Variants in KLHL18 observed in about 807,000 individuals in gnomAD.
KLHL18 encodes kelch-like protein 18.
In KLHL18, 38 loss-of-function variants were observed where a neutral mutation model predicts 58.5. That is an observed-to-expected ratio of 0.65 (90% CI 0.50 to 0.85). The LOEUF is 0.85. Ranked by LOEUF, KLHL18 falls within the 40% of genes least tolerant of loss-of-function variation. The pLI is 0.00. For missense variants in KLHL18, 624 were observed against 778.4 expected, an observed-to-expected ratio of 0.80 and a Z score of 2.36; for synonymous variants, 303 against 301.9, an observed-to-expected ratio of 1.00 and a Z score of -0.04.
At chr3:47,323,499 G>A (rs1488534167) in intron 3 of KLHL18, among the ~76,000 whole-genome samples, 2 of 152,144 alleles carry the variant, frequency 1.3e-5, no homozygotes, top group African/African-American at 4.8e-5. Flanking sequence ...GCACTTTTAT[G>A]GTTGGGACCA....
chr3:47,333,909 G>A (rs115972643), intron 5 of KLHL18, among the ~76,000 whole-genome samples: 2,702 of 152,300 alleles, frequency 0.018, 35 homozygotes, highest in Middle Eastern at 0.034. Flanking sequence ...AAGTAGAACA[G>A]CAGAGAAAAA....
Position 47,334,952 on chromosome 3 carries a change from A to G in KLHL18, c.898+133A>G. 1.1e-6 allele frequency: 1 copy of G among 874,076 alleles called. No individual in the cohort carries two copies. The highest frequency in any genetic ancestry group is 1.7e-6 in the Non-Finnish European group (1 of 578,394). 54.1% of individuals were successfully genotyped at this position (874,076 alleles called of 1,614,324 possible). ...ACCCTTGCCCCTCTTGATTTTATAC[A>G]ATTGCTCTACAGTTAGAGCATGTCA... On this transcript the variant is annotated intron_variant, in intron 6 of 9. Transcript: ENST00000232766. This position sits in a 1 kb window ranked among gnomAD's most constrained non-coding sequence, Gnocchi z 4.7.
rs79506136 is a variant in KLHL18, at chr3:47,304,092, A to G, written c.130-15561A>G. Reference sequence around the variant, plus strand: ...ATCCCCTATCTCTACATACACACATACAGTGGCTAACAATGTTGAACATCT... The same window carrying G: ...ATCCCCTATCTCTACATACACACATGCAGTGGCTAACAATGTTGAACATCT... On this transcript the variant is annotated intron_variant, in intron 1 of 9. Coordinates refer to ENST00000232766, the MANE Select transcript of KLHL18 (RefSeq NM_025010.5). 1.7e-3 allele frequency among the ~76,000 whole-genome samples: 252 copies of G among 152,306 alleles called. 2 individuals carry two copies. Among genetic ancestry groups the G allele is most frequent in the African/African-American group, 5.8e-3 (241 of 41,558 alleles).
At chr3:47,322,780 GT>G in intron 3 of KLHL18, 72 bp downstream of exon 3, 1 of 1,437,928 alleles carries the variant, frequency 7.0e-7, no homozygotes, top group Middle Eastern at 1.9e-4. Context: ...AGTTTGCTGA[GT>G]TCTTGGGACC....
At chr3:47,303,477 G>T (rs1270543612) in intron 1 of KLHL18, among the ~76,000 whole-genome samples, 3 of 152,168 alleles carry the variant, frequency 2.0e-5, no homozygotes, top group Admixed American at 2.0e-4. Context: ...GGTACTTCCT[G>T]ACTTCAGTGA....
intron 1 of KLHL18, among the ~76,000 whole-genome samples, chr3:47,313,212 T>A (rs1459090632): frequency 1.5e-5 from 2 of 130,760 alleles, no homozygotes; most frequent in African/African-American, 5.9e-5. Context: ...CCCGGCCTAA[T>A]TTTTTTTTTT....
At chr3:47,341,724 G>T (rs536488477) in intron 8 of KLHL18, among the ~76,000 whole-genome samples, 1 of 152,192 alleles carries the variant, frequency 6.6e-6, no homozygotes, top group South Asian at 2.1e-4. Flanking sequence ...CATGTGGTGT[G>T]GGGTGAAGCT....
chr3:47,328,859 A>G (rs1193852368), intron 3 of KLHL18, among the ~76,000 whole-genome samples: 1 of 152,032 alleles, frequency 6.6e-6, no homozygotes, highest in Non-Finnish European at 1.5e-5. Flanking sequence ...GTCTCTTTCT[A>G]TCTAAAACAA....
intron 1 of KLHL18, among the ~76,000 whole-genome samples, chr3:47,292,104 C>T (rs375980463): frequency 7.2e-5 from 11 of 152,152 alleles, no homozygotes; most frequent in African/African-American, 2.4e-4. Context: ...AGAGCTTGGG[C>T]TTTTGGCAGG....
At chr3:47,312,512 A>G (rs1377901344) in intron 1 of KLHL18, among the ~76,000 whole-genome samples, 3 of 152,174 alleles carry the variant, frequency 2.0e-5, no homozygotes, top group African/African-American at 7.2e-5. Context: ...GCACCAGTTC[A>G]CATGTCTTTG....
chr3:47,300,287 T>A (rs1029450348), intron 1 of KLHL18, among the ~76,000 whole-genome samples: 1 of 133,136 alleles, frequency 7.5e-6, no homozygotes, highest in South Asian at 2.4e-4. Flanking sequence ...CACCGGCATT[T>A]TATATATATA....
chr3:47,315,716 A>G (rs1703405067), intron 1 of KLHL18, among the ~76,000 whole-genome samples: 1 of 152,240 alleles, frequency 6.6e-6, no homozygotes, highest in Non-Finnish European at 1.5e-5. Flanking sequence ...ACATTTAAAG[A>G]AAACCTCTAA....
chr3:47,291,454 C>A (rs1702789675), intron 1 of KLHL18, among the ~76,000 whole-genome samples: 1 of 152,190 alleles, frequency 6.6e-6, no homozygotes, highest in Admixed American at 6.5e-5. Context: ...TAAGAGTTAA[C>A]AAGCATTTTC....
intron 7 of KLHL18, 64 bp from the exon 8 acceptor site, chr3:47,340,508 G>C: frequency 6.2e-7 from 1 of 1,610,364 alleles, no homozygotes; most frequent in Non-Finnish European, 8.5e-7. Context: ...GTTTCTCAGT[G>C]GGCAAGAGAG....
In KLHL18 at chr3:47,329,145, G is replaced by GA. The variant is rs1311389177; in HGVS notation, c.402-797dup. Among the ~76,000 whole-genome samples the GA allele has an allele frequency of 4.6e-3, 58 of 12,652 alleles. 1 individual carries two copies. In the East Asian group the frequency reaches 0.39, roughly 86 times the overall value. The allele number at this position is 12,652 out of a possible 152,430, so 8.3% of individuals were successfully genotyped here. On this transcript the variant is annotated intron_variant, in intron 3 of 9. Transcript: ENST00000232766. ...CCCTGTCTCAAAAAAGAAAAAAAAG[G>GA]AAAAAAAAAGACAAGTATAAGAGTT...
intron 1 of KLHL18, among the ~76,000 whole-genome samples, chr3:47,301,276 T>C (rs1703019944): frequency 6.6e-6 from 1 of 152,146 alleles, no homozygotes; most frequent in Admixed American, 6.5e-5. Context: ...TTTGGTCTCA[T>C]GTCTGAGAAC....
At chr3:47,336,108 A>G (rs1362066825) in intron 6 of KLHL18, among the ~76,000 whole-genome samples, 1 of 152,204 alleles carries the variant, frequency 6.6e-6, no homozygotes, top group Non-Finnish European at 1.5e-5. Context: ...CATTTAATCC[A>G]TAAAGATTAT....
chr3:47,307,228 C>T (rs1300724440), intron 1 of KLHL18, among the ~76,000 whole-genome samples: 10 of 152,104 alleles, frequency 6.6e-5, no homozygotes, highest in Non-Finnish European at 1.5e-4. Flanking sequence ...CATGCCACCA[C>T]ACGTGGCTAA....
Position 47,298,353 on chromosome 3 carries a change from T to TAAAA in KLHL18, c.129+15275_129+15278dup, listed in dbSNP as rs36006254. Among the ~76,000 whole-genome samples the TAAAA allele has an allele frequency of 2.5e-4, 30 of 118,506 alleles. 1 individual carries two copies. Among genetic ancestry groups the TAAAA allele is most frequent in the East Asian group, 4.7e-4 (2 of 4,212 alleles). 77.7% of individuals were successfully genotyped at this position (118,506 alleles called of 152,430 possible). On this transcript the variant is annotated intron_variant, in intron 1 of 9. Transcript: ENST00000232766. ...CTGGGCAAGAGTGAGATCCTGTCTC[T>TAAAA]AAAAAAAAAAAAAAAAAAAGAGAAA...
Sources: gnomAD v4.1 joint callset for allele counts (sites outside exome capture counted in the v4.1 genomes callset) on GRCh38, gnomAD v4.1.1 for gene constraint, Gnocchi (gnomAD v3.1) non-coding constraint, MANE v1.5 for transcripts, NCBI Gene and HGNC (gene_info 2026-07-23, HGNC 2026-07-21) for gene names.